Variants in ZNF232 observed in about 807,000 individuals in gnomAD.
ZNF232 encodes the protein zinc finger and SCAN domain-containing protein 11.
ZNF232 carries 25 observed loss-of-function variants against 25.2 expected under a neutral mutation model. The ratio of observed to expected loss-of-function variants is 0.99; its 90% CI spans 0.72 to 1.39. The LOEUF (loss-of-function observed/expected upper bound fraction) is 1.39. ZNF232 is among the 40% of genes most tolerant of loss of function. The pLI is 0.00. For synonymous variants in ZNF232, 193 were observed against 182.9 expected, an observed-to-expected ratio of 1.06 and a Z score of -0.45; for missense variants, 519 against 520.9, an observed-to-expected ratio of 1.00 and a Z score of 0.04.
chr17:5,109,550 C>T (rs1433506690), exon 2 of ZNF232: 13 of 1,614,098 alleles, frequency 8.1e-6, no homozygotes, highest in African/African-American at 5.3e-5. Flanking sequence ...TCTGCTCCTT[C>T]GTGTGTTTCT....
intron 3 of ZNF232, among the ~76,000 whole-genome samples, chr17:5,107,724 CAG>C (rs2072295957): frequency 6.6e-6 from 1 of 151,992 alleles, no homozygotes; most frequent in African/African-American, 2.4e-5. Context: ...TTAGTAGAGA[CAG>C]GGTTTCACCA....
chr17:5,115,183 G>T (rs1255142043), upstream of ZNF232, among the ~76,000 whole-genome samples: 1 of 151,870 alleles, frequency 6.6e-6, no homozygotes, highest in Non-Finnish European at 1.5e-5. Context: ...GGCATCTTTT[G>T]GGGGGTGGGG....
chr17:5,105,978 T>A (rs1265339330), exon 4 of ZNF232: 2 of 1,614,062 alleles, frequency 1.2e-6, no homozygotes, highest in Non-Finnish European at 1.7e-6. Flanking sequence ...ACTAAAGGCC[T>A]TCCCACACTC....
At chr17:5,106,252 G>T in exon 4 of ZNF232, 1 of 1,614,204 alleles carries the variant, frequency 6.2e-7, no homozygotes, top group Non-Finnish European at 8.5e-7. Flanking sequence ...CTACATTCAT[G>T]GTCTTTCTTC....
Position 5,105,948 on chromosome 17 carries a change from TGA to T in ZNF232, c.1182_1183del (p.Ser394ArgfsTer15). ...CTCTCCACTGTGAATTCTCCGATGC[TGA>T]CTTAGATATGAGCTTTGACTAAAGG... On this transcript the variant is annotated frameshift_variant, in exon 4 of 4. Transcript: ENST00000575898. LOFTEE classifies it low-confidence loss of function (END_TRUNC). The T allele has an allele frequency of 6.2e-7, 1 of 1,614,216 alleles. No individual in the cohort carries two copies. The highest frequency in any genetic ancestry group is 8.5e-7 in the Non-Finnish European group (1 of 1,180,042).
upstream of ZNF232, chr17:5,112,007 A>G (rs1408909045): frequency 4.6e-6 from 4 of 872,704 alleles, no homozygotes; most frequent in East Asian, 8.3e-5. Context: ...CGGTTCCTGG[A>G]CTTGAGCGGA....
At chr17:5,118,545 C>G (rs1388733890) in intron 1 of ZNF232, among the ~76,000 whole-genome samples, 1 of 152,254 alleles carries the variant, frequency 6.6e-6, no homozygotes, top group Non-Finnish European at 1.5e-5. Context: ...TATGTGTTAA[C>G]AGCTCAGCTG....
chr17:5,109,842 T>C (rs756257050), exon 2 of ZNF232: 2 of 1,611,310 alleles, frequency 1.2e-6, no homozygotes, highest in South Asian at 1.1e-5. Context: ...AGAAGGCTCA[T>C]ACCAGCTGGA....
intron 1 of ZNF232, among the ~76,000 whole-genome samples, chr17:5,120,183 C>G (rs779932977): frequency 6.6e-6 from 1 of 152,204 alleles, no homozygotes; most frequent in Non-Finnish European, 1.5e-5. Flanking sequence ...TTGCTTTCCT[C>G]CAGCAGATTA....
chr17:5,110,102 G>A (rs1376404464), intron 1 of ZNF232, among the ~76,000 whole-genome samples: 9 of 152,122 alleles, frequency 5.9e-5, no homozygotes, highest in African/African-American at 2.2e-4. Flanking sequence ...ATATTGGCCA[G>A]GCTGGTCTTG....
chr17:5,116,282 C>T (rs1034113377), upstream of ZNF232, among the ~76,000 whole-genome samples: 21 of 151,942 alleles, frequency 1.4e-4, 1 homozygote, highest in Non-Finnish European at 2.8e-4. Flanking sequence ...CCGCTCCGGG[C>T]GGCCCCCCTC....
At chr17:5,111,697 A>G (rs1318773976) in intron 1 of ZNF232, 103 bp downstream of exon 1, 3 of 1,584,798 alleles carry the variant, frequency 1.9e-6, no homozygotes, top group Non-Finnish European at 2.6e-6. Flanking sequence ...ACAACCGCGG[A>G]GCTGCCTGCC....
At chr17:5,122,363 T>TG (rs1281014276) in intron 1 of ZNF232, among the ~76,000 whole-genome samples, 1 of 152,014 alleles carries the variant, frequency 6.6e-6, no homozygotes, top group Non-Finnish European at 1.5e-5. Flanking sequence ...AAGAGCAAGG[T>TG]GGGTGGTGGT....
At chr17:5,115,576 A>AC (rs1555584331), upstream of ZNF232, among the ~76,000 whole-genome samples, 759 of 150,834 alleles carry the variant, frequency 5.0e-3, 8 homozygotes, top group African/African-American at 0.017. Flanking sequence ...ACACACACAC[A>AC]AAACCCAAAA....
Position 5,109,743 on chromosome 17 carries a change from A to G in ZNF232, c.149T>C (p.Met50Thr), listed in dbSNP as rs755261705. ...TTCCTCTTCCTTTGGTCCCATCATC[A>G]TCATCTTCTCTTGTCCCTGTGTACC... Residue 50 changes from methionine to threonine, a missense_variant, in exon 2 of 4, where the codon ATG (methionine) becomes ACG (threonine). Coordinates refer to ENST00000575898, the Ensembl canonical transcript of ZNF232. 9.9e-6 allele frequency: 16 copies of G among 1,614,126 alleles called. No individual in the cohort carries two copies. In the South Asian group the frequency reaches 1.8e-4, roughly 18 times the overall value.
intron 1 of ZNF232, among the ~76,000 whole-genome samples, chr17:5,121,975 G>GAATCC (rs1461706492): frequency 6.6e-6 from 1 of 152,144 alleles, no homozygotes; most frequent in Non-Finnish European, 1.5e-5. Context: ...GAGCCATGGA[G>GAATCC]GGATTTGGAG....
At chr17:5,106,394 T>G in exon 4 of ZNF232, 1 of 1,614,222 alleles carries the variant, frequency 6.2e-7, no homozygotes, top group Non-Finnish European at 8.5e-7. Context: ...TAGCTTCAAA[T>G]GTAGAGGTGT....
At chr17:5,110,711 C>T (rs1198958064) in intron 1 of ZNF232, among the ~76,000 whole-genome samples, 1 of 152,122 alleles carries the variant, frequency 6.6e-6, no homozygotes, top group African/African-American at 2.4e-5. Flanking sequence ...CAGTGGCCTG[C>T]GTCAAGGAAA....
intron 1 of ZNF232, 170 bp downstream of exon 1, chr17:5,111,630 A>G: frequency 1.1e-6 from 1 of 942,042 alleles, no homozygotes. Context: ...ACGTGACGCG[A>G]CGCAACGCAG....
Sources: allele counts gnomAD v4.1 joint callset (sites outside exome capture counted in the v4.1 genomes callset), GRCh38; gene constraint gnomAD v4.1.1; transcripts MANE v1.5; gene names NCBI Gene and HGNC (gene_info 2026-07-23, HGNC 2026-07-21).